The following IL16 variants were observed in gnomAD, a reference collection of about 807,000 sequenced individuals.
The protein encoded by IL16 is interleukin 16, also known as pro-interleukin-16.
A neutral mutation model predicts 110.1 loss-of-function variants in IL16; 67 were observed. The ratio of observed to expected loss-of-function variants is 0.61; its 90% CI spans 0.50 to 0.75. The LOEUF is 0.75. Ranked by LOEUF, IL16 falls within the 30% of genes least tolerant of loss-of-function variation. IL16 has a pLI of 0.00. For synonymous variants in IL16, 689 were observed against 662.9 expected (o/e 1.04, Z -0.61); for missense variants, 1,545 against 1,655.0 (o/e 0.93, Z 1.15).
chr15:81,188,426 A>G (rs987548716), intron 1 of IL16: 10 of 456,078 alleles, frequency 2.2e-5, no homozygotes, highest in African/African-American at 4.0e-5. Context: ...CGTCCACTGT[A>G]TTTCAGGCAG....
chr15:81,313,646 A>T lies in IL16; in HGVS notation c.*4848A>T. On this transcript the variant is annotated 3_prime_UTR_variant, in exon 19 of 19. Transcript: ENST00000683961. ...GGCCTCCAGGGAGGAAGAAGTCCCT[A>T]CTCCCAGCCCAAAAACCCAGTACCC... The T allele has an allele frequency of 3.2e-6, 1 of 316,830 alleles. No homozygotes were observed. Among genetic ancestry groups the T allele is most frequent in the East Asian group, 5.0e-5 (1 of 20,044 alleles). 19.6% of individuals were successfully genotyped at this position (316,830 alleles called of 1,614,324 possible).
At chr15:81,256,356 CAG>C (rs1897945767) in intron 2 of IL16, among the ~76,000 whole-genome samples, 2 of 124,654 alleles carry the variant, frequency 1.6e-5, no homozygotes, top group African/African-American at 6.8e-5. Flanking sequence ...TTTTTTGAGA[CAG>C]AGTCTCGCTC....
chr15:81,277,400 G>A (rs147730429), intron 6 of IL16, among the ~76,000 whole-genome samples: 1 of 151,936 alleles, frequency 6.6e-6, no homozygotes, highest in East Asian at 1.9e-4. Context: ...GTGCATCATA[G>A]TAAAACTGCA....
chr15:81,215,148 A>T (rs1896380201), intron 1 of IL16, among the ~76,000 whole-genome samples: 1 of 152,162 alleles, frequency 6.6e-6, no homozygotes, highest in Admixed American at 6.5e-5. Context: ...TGAGCAAAAA[A>T]CCATTGCTAG....
intron 2 of IL16, among the ~76,000 whole-genome samples, chr15:81,253,550 A>G (rs1168459912): frequency 2.0e-5 from 3 of 152,142 alleles, no homozygotes; most frequent in Non-Finnish European, 2.9e-5. Flanking sequence ...AACCCAACCC[A>G]AGATTTACTC....
In IL16 at chr15:81,303,487, G is replaced by A. The variant is rs933020869; in HGVS notation, c.3319-62G>A. ...TAACAAATCAGTCTGATGTCAGTCC[G>A]ATGTTAAATTGTTCATCCTCTTGCA... is the stretch of plus-strand genomic sequence containing the variant. On this transcript the variant is annotated intron_variant, in intron 15 of 18. Transcript: ENST00000683961. This position sits in a 1 kb window ranked among gnomAD's most constrained non-coding sequence, Gnocchi z 4.1. 2.1e-5 allele frequency: 24 copies of A among 1,139,062 alleles called. No individual in the cohort carries two copies. The Middle Eastern group carries it at 3.1e-3, about 148-fold the overall frequency. 70.6% of individuals were successfully genotyped at this position (1,139,062 alleles called of 1,614,324 possible).
At chr15:81,252,240 T>C (rs1224152739) in intron 2 of IL16, among the ~76,000 whole-genome samples, 1 of 152,222 alleles carries the variant, frequency 6.6e-6, no homozygotes, top group Non-Finnish European at 1.5e-5. Flanking sequence ...GATTTGGGGC[T>C]ATCTGGGTAG....
At position 81,241,330 on chromosome 15, in the gene IL16, A is replaced by G. The variant is rs191895760; in HGVS notation, c.312+15619A>G. The stretch of plus-strand genomic sequence containing the variant: ...TAAGGATAAGCTTAAATCTAAAAAA[A>G]AAAGACTTGAAAGTTTGATACTGCA... On this transcript the variant is annotated intron_variant, in intron 2 of 18. Coordinates refer to ENST00000683961, the MANE Select transcript of IL16 (RefSeq NM_172217.5). Among the ~76,000 whole-genome samples the G allele has an allele frequency of 1.8e-4, 28 of 152,242 alleles. No homozygotes were observed. In the East Asian group the frequency reaches 4.2e-3, roughly 23 times the overall value.
intron 11 of IL16, 49 bp from the exon 12 acceptor site, chr15:81,292,505 TTC>T: frequency 6.2e-7 from 1 of 1,612,680 alleles, no homozygotes; most frequent in Non-Finnish European, 8.5e-7. Flanking sequence ...CAGGGGGTAT[TTC>T]TGTTTTCTGA....
chr15:81,292,520 C>A, intron 11 of IL16, 36 bp from the exon 12 acceptor site: 1 of 1,612,466 alleles, frequency 6.2e-7, no homozygotes, highest in South Asian at 1.1e-5. Flanking sequence ...TTTTCTGAAG[C>A]TCAGCTGTGA....
At chr15:81,263,093 T>C (rs1160884467) in intron 3 of IL16, among the ~76,000 whole-genome samples, 1 of 145,168 alleles carries the variant, frequency 6.9e-6, no homozygotes, top group East Asian at 1.9e-4. Flanking sequence ...TTATTGTCTC[T>C]ACTTCTGATT....
chr15:81,290,851 C>A (rs1283432958), intron 11 of IL16, among the ~76,000 whole-genome samples: 1 of 152,150 alleles, frequency 6.6e-6, no homozygotes, highest in Non-Finnish European at 1.5e-5. Context: ...CACACAATAG[C>A]CCCTGCAGGC....
In IL16 at chr15:81,280,259, C is replaced by T. The variant is rs188804303; in HGVS notation, c.1081+485C>T. Reference sequence around the variant, plus strand: ...CCCTCTCTGCCTGAATGCAACCGAACTGAGACCTGGAGGATAAAGAGGAGG... The same window carrying T: ...CCCTCTCTGCCTGAATGCAACCGAATTGAGACCTGGAGGATAAAGAGGAGG... On this transcript the variant is annotated intron_variant, in intron 8 of 18. Coordinates refer to ENST00000683961, the MANE Select transcript of IL16 (RefSeq NM_172217.5). Among the ~76,000 whole-genome samples, 4 of 152,308 alleles carry T rather than the reference C, an allele frequency of 2.6e-5. No homozygotes were observed. In the East Asian group the frequency reaches 7.7e-4, roughly 29 times the overall value.
At chr15:81,225,268 A>G (rs755549812) in intron 1 of IL16, 31 bp from the exon 2 acceptor site, 3 of 1,476,824 alleles carry the variant, frequency 2.0e-6, no homozygotes, top group Middle Eastern at 2.2e-4. Flanking sequence ...AGCAAGTCAC[A>G]TTGCTTCTTC....
upstream of IL16, among the ~76,000 whole-genome samples, chr15:81,194,707 A>C (rs1032260345): frequency 5.3e-5 from 8 of 152,184 alleles, no homozygotes; most frequent in Non-Finnish European, 8.8e-5. Flanking sequence ...TGGAAGGGCC[A>C]AAAAGGTGAG....
intron 2 of IL16, among the ~76,000 whole-genome samples, chr15:81,232,042 G>GTTTTTTTGTTTT (rs1897008513): frequency 8.0e-4 from 46 of 57,652 alleles, no homozygotes; most frequent in Admixed American, 1.4e-3. Flanking sequence ...ATTTGTTCTT[G>GTTTTTTTGTTTT]TTTTTTTTTT....
intron 2 of IL16, among the ~76,000 whole-genome samples, chr15:81,238,561 T>A (rs1897248387): frequency 6.6e-6 from 1 of 152,178 alleles, no homozygotes; most frequent in African/African-American, 2.4e-5. Flanking sequence ...TTTCTCCATT[T>A]CTTAAATATT....
intron 12 of IL16, among the ~76,000 whole-genome samples, chr15:81,294,587 G>C (rs17875491): frequency 0.19 from 28,520 of 152,118 alleles, 3,100 homozygotes; most frequent in East Asian, 0.26. Flanking sequence ...TGCCTCAGCA[G>C]AATACAGGGC....
chr15:81,290,144 A>G (rs1899642708), intron 10 of IL16: 2 of 430,172 alleles, frequency 4.6e-6, no homozygotes, highest in Non-Finnish European at 8.4e-6. Flanking sequence ...GGACTAGCTC[A>G]TAGAGATAAC....
Sources: allele counts gnomAD v4.1 joint callset (sites outside exome capture counted in the v4.1 genomes callset), GRCh38; gene constraint gnomAD v4.1.1; non-coding constraint Gnocchi (gnomAD v3.1); transcripts MANE v1.5; gene names NCBI Gene and HGNC (gene_info 2026-07-23, HGNC 2026-07-21).